HMCN2: variants seen among roughly 807,000 people sequenced by gnomAD.
HMCN2 encodes hemicentin-2.
In HMCN2, 325 loss-of-function variants were observed where a neutral mutation model predicts 377.5. The ratio of observed to expected loss-of-function variants is 0.86; its 90% confidence interval spans 0.79 to 0.94. The LOEUF is 0.94. Among genes scored for constraint, HMCN2 ranks in the 40% least tolerant of loss-of-function variants. The pLI is 0.00. For missense variants in HMCN2, 4,543 were observed against 4,725.3 expected (o/e 0.96, Z 1.13); for synonymous variants, 2,007 against 2,046.8 (o/e 0.98, Z 0.53).
Position 130,403,751 on chromosome 9 carries a change from C to A in HMCN2, c.12024C>A (p.Thr4008=), listed in dbSNP as rs908528966. Residue 4008 remains threonine (T), a synonymous_variant, in exon 80 of 98, where the codon ACC becomes ACA. Coordinates refer to ENST00000683500, the MANE Select transcript of HMCN2 (RefSeq NM_001291815.2). ...EGLNVATGVS[T]QVLPGGQLRI... is the part of the protein sequence containing the mutation. ...TTCTTCCTCGTTCAGGAGTGAGTACCCAGGTCCTACCAGGCGGACAGCTGC... is the reference window on the plus strand; with the variant it reads ...TTCTTCCTCGTTCAGGAGTGAGTACACAGGTCCTACCAGGCGGACAGCTGC... The A allele has an allele frequency of 7.8e-7, 1 of 1,289,652 alleles. No individual in the cohort carries two copies. The highest frequency in any genetic ancestry group is 1.0e-6 in the Non-Finnish European group (1 of 988,846). The allele number at this position is 1,289,652 out of a possible 1,614,324, so 79.9% of individuals were successfully genotyped here. A position where few individuals can be genotyped will look rare whatever the true frequency, so the allele number is the denominator to read the frequency against.
At chr9:130,342,744 G>A (rs1282553954) in intron 25 of HMCN2, among the ~76,000 whole-genome samples, 3 of 152,146 alleles carry the variant, frequency 2.0e-5, no homozygotes, top group Non-Finnish European at 4.4e-5. Flanking sequence ...CAGCATCTGG[G>A]GGTGTGATCG....
At chr9:130,432,897 C>CGCCCGGCCACA in intron 97 of HMCN2, 1 of 376,372 alleles carries the variant, frequency 2.7e-6, no homozygotes, top group Non-Finnish European at 4.8e-6. Flanking sequence ...GCAGCTGCTG[C>CGCCCGGCCACA]CCTGGAAAGG....
chr9:130,353,135 C>T lies in HMCN2; in HGVS notation c.4794C>T (p.Ala1598=), dbSNP rs368839416. 2.2e-5 allele frequency: 29 copies of T among 1,304,088 alleles called. No individual in the cohort carries two copies. The East Asian group carries it at 2.8e-4, about 12-fold the overall frequency. The allele number at this position is 1,304,088 out of a possible 1,614,324, so 80.8% of individuals were successfully genotyped here. ...LQLGRAQSSD[A]GVYTCKASNA... ...TGGGGAGGGCCCAGAGCTCCGATGC[C>T]GGCGTCTACACCTGCAAGGCCAGCA... Residue 1598 remains alanine, a synonymous_variant, in exon 31 of 98, where the codon GCC becomes GCT. Coordinates refer to ENST00000683500, the MANE Select transcript of HMCN2 (RefSeq NM_001291815.2).
At chr9:130,395,678 C>T (rs556661940) in intron 71 of HMCN2, among the ~76,000 whole-genome samples, 1 of 152,208 alleles carries the variant, frequency 6.6e-6, no homozygotes, top group African/African-American at 2.4e-5. Context: ...GGTCAGTTTG[C>T]GGCTGTGGAT....
Position 130,433,748 on chromosome 9 carries a change from G to A in HMCN2, c.*55G>A. The A allele has an allele frequency of 7.5e-7, 1 of 1,328,522 alleles. No individual in the cohort carries two copies. Among genetic ancestry groups the A allele is most frequent in the Non-Finnish European group, 9.9e-7 (1 of 1,012,678 alleles). The allele number at this position is 1,328,522 out of a possible 1,614,324, so 82.3% of individuals were successfully genotyped here. ...CGTGACCCCCGAGGAAGGGGTCGAG[G>A]AGAAGCTTGGTCCACGCCACCTGCT... On this transcript the variant is annotated 3_prime_UTR_variant, in exon 98 of 98. Transcript: ENST00000683500.
At chr9:130,275,403 G>A (rs1248029715) in intron 1 of HMCN2, among the ~76,000 whole-genome samples, 1 of 152,168 alleles carries the variant, frequency 6.6e-6, no homozygotes, top group Admixed American at 6.5e-5. Context: ...GGTTGTGTGT[G>A]TGTACCTGTG....
At chr9:130,336,086 CAT>C (rs1838734250) in intron 22 of HMCN2, among the ~76,000 whole-genome samples, 1 of 151,576 alleles carries the variant, frequency 6.6e-6, no homozygotes, top group Non-Finnish European at 1.5e-5. Context: ...ATGTGAGACA[CAT>C]AGAGCAGTGA....
chr9:130,274,490 T>G (rs1834571015), intron 1 of HMCN2, among the ~76,000 whole-genome samples: 1 of 152,262 alleles, frequency 6.6e-6, no homozygotes, highest in African/African-American at 2.4e-5. Context: ...CCATTTCATG[T>G]GTGCAATCAG....
At chr9:130,426,576 G>A (rs1249240808) in intron 90 of HMCN2, among the ~76,000 whole-genome samples, 2 of 152,154 alleles carry the variant, frequency 1.3e-5, no homozygotes, top group Non-Finnish European at 2.9e-5. Context: ...CCGTACAGAT[G>A]TTGTCTCTAA....
chr9:130,338,678 G>C (rs1007012799), intron 23 of HMCN2: 1 of 152,234 alleles, frequency 6.6e-6, no homozygotes, highest in African/African-American at 2.4e-5. Context: ...CCAGCCAGTG[G>C]GAGTCATACA....
chr9:130,277,227 G>T (rs1365217703), intron 1 of HMCN2, among the ~76,000 whole-genome samples: 3 of 152,222 alleles, frequency 2.0e-5, no homozygotes, highest in African/African-American at 7.2e-5. Context: ...AGGCTTCTGG[G>T]GCTCACATGC....
intron 34 of HMCN2, among the ~76,000 whole-genome samples, chr9:130,357,391 TGGATGGATGGAG>T (rs1439911178): frequency 6.8e-6 from 1 of 148,094 alleles, no homozygotes; most frequent in East Asian, 2.0e-4. Flanking sequence ...GATGGGTGGA[TGGATGGATGGAG>T]GGATGGATGG....
At chr9:130,267,594 C>T (rs1834190753) in intron 1 of HMCN2, among the ~76,000 whole-genome samples, 1 of 152,202 alleles carries the variant, frequency 6.6e-6, no homozygotes, top group South Asian at 2.1e-4. Flanking sequence ...TTATTAATCA[C>T]AATACCATTA....
intron 36 of HMCN2, among the ~76,000 whole-genome samples, chr9:130,359,063 G>A (rs1840213364): frequency 6.6e-6 from 1 of 152,200 alleles, no homozygotes; most frequent in Non-Finnish European, 1.5e-5. Flanking sequence ...CCCTTCCCCT[G>A]GCTGTGCTGG....
intron 22 of HMCN2, among the ~76,000 whole-genome samples, chr9:130,332,923 G>C (rs1838503547): frequency 6.6e-6 from 1 of 152,172 alleles, no homozygotes; most frequent in Non-Finnish European, 1.5e-5. Context: ...CGCCGGCCCT[G>C]CTCCTGGATG....
Position 130,379,403 on chromosome 9 carries a change from G to A in HMCN2, c.8367G>A (p.Pro2789=), listed in dbSNP as rs144190975. Residue 2789 remains proline, a synonymous_variant, in exon 54 of 98, where the codon CCG becomes CCA. Transcript: ENST00000683500. ...GCGACACCAACGCGATCCCACCCCC[G>A]GACCTCACCTGGTACAGAGAGGATC... ...LYCDTNAIPP[P]DLTWYREDQP... is the part of the protein sequence containing the mutation. 437 of 985,814 alleles carry A rather than the reference G, an allele frequency of 4.4e-4. 4 individuals are homozygous for A. The African/African-American group carries it at 6.9e-3, about 16-fold the overall frequency. 61.1% of individuals were successfully genotyped at this position (985,814 alleles called of 1,614,324 possible).
rs1183176093 is a variant in HMCN2 at position 130,386,617 on chromosome 9, G to T, written c.9391+93G>T. 6.6e-6 allele frequency: 5 copies of T among 753,222 alleles called. No homozygotes were observed. In the East Asian group the frequency reaches 3.5e-4, roughly 52 times the overall value. 46.7% of individuals were successfully genotyped at this position (753,222 alleles called of 1,614,324 possible). A position where few individuals can be genotyped will look rare whatever the true frequency, so the allele number is the denominator to read the frequency against. ...GGACAAAGACAATAGCTGGGCAGAG[G>T]CAGTGCTGCCAAGTGCTGAAGGCAC... On this transcript the variant is annotated intron_variant, in intron 61 of 97. Transcript: ENST00000683500.
At position 130,428,961 on chromosome 9, in the gene HMCN2, C is replaced by T. The variant is rs1206342072; in HGVS notation, c.14197+472C>T. Among the ~76,000 whole-genome samples, 1 of 152,220 alleles carries T rather than the reference C, an allele frequency of 6.6e-6. No individual in the cohort carries two copies. The highest frequency in any genetic ancestry group is 1.5e-5 in the Non-Finnish European group (1 of 68,038). ...TGGGTGACCTCAATGGTCCTTCCTG[C>T]TCTAACAGTCTATGGCTGTAGGACC... On this transcript the variant is annotated intron_variant, in intron 93 of 97. Transcript: ENST00000683500. This position sits in a 1 kb window ranked among gnomAD's most constrained non-coding sequence, Gnocchi z 5.0.
intron 40 of HMCN2, among the ~76,000 whole-genome samples, chr9:130,363,819 T>G (rs1225251875): frequency 4.0e-5 from 1 of 24,724 alleles, no homozygotes; most frequent in African/African-American, 8.1e-5. Context: ...CCAGACTCTG[T>G]CAAAAAAAAA....
Sources: allele counts gnomAD v4.1 joint callset (sites outside exome capture counted in the v4.1 genomes callset), GRCh38; gene constraint gnomAD v4.1.1; non-coding constraint Gnocchi (gnomAD v3.1); transcripts MANE v1.5; gene names NCBI Gene and HGNC (gene_info 2026-07-23, HGNC 2026-07-21).